DNAH12: variants seen among roughly 807,000 people sequenced by gnomAD.
The protein encoded by DNAH12 is axonemal beta dynein heavy chain 12.
A neutral mutation model predicts 371.5 loss-of-function variants in DNAH12; 285 were observed. That is an observed-to-expected ratio of 0.77 (90% CI 0.70 to 0.85). The LOEUF (loss-of-function observed/expected upper bound fraction) is 0.85, where lower values mean the gene tolerates loss of function less well. DNAH12 is among the 40% of genes least tolerant of loss of function. The pLI is 0.00. For missense variants in DNAH12, 3,611 were observed against 3,689.4 expected (o/e 0.98, Z 0.55); for synonymous variants, 1,200 against 1,213.0 (o/e 0.99, Z 0.22).
Position 57,335,110 on chromosome 3 carries a change from T to C in DNAH12, c.9675-170A>G, listed in dbSNP as rs180960558. On this transcript the variant is annotated intron_variant, in intron 60 of 73. Coordinates refer to ENST00000495027, the MANE Select transcript of DNAH12 (RefSeq NM_001366028.2). ...TGAAACAACTGTTTTTTTGAAATTG[T>C]TCAATAGCCAGTGCAGGACTGTGGC... Among the ~76,000 whole-genome samples the C allele has an allele frequency of 3.0e-3, 455 of 152,332 alleles. 1 individual carries two copies. Among genetic ancestry groups the C allele is most frequent in the Non-Finnish European group, 4.9e-3 (331 of 68,026 alleles).
intron 16 of DNAH12, among the ~76,000 whole-genome samples, chr3:57,469,963 A>G (rs1369690405): frequency 2.0e-5 from 3 of 152,192 alleles, no homozygotes; most frequent in African/African-American, 7.2e-5. Flanking sequence ...AAACCTGCAC[A>G]TGTTACCGAA....
At chr3:57,298,098 A>G (rs1230099050) in intron 70 of DNAH12, among the ~76,000 whole-genome samples, 4 of 152,086 alleles carry the variant, frequency 2.6e-5, no homozygotes, top group African/African-American at 9.7e-5. Flanking sequence ...CTGGGTGGAC[A>G]TTTGTTGTTT....
chr3:57,330,005 A>G, intron 62 of DNAH12, among the ~76,000 whole-genome samples: 1 of 151,902 alleles, frequency 6.6e-6, no homozygotes, highest in African/African-American at 2.4e-5. Context: ...AATCAAAACC[A>G]CAATGAGATA....
intron 58 of DNAH12, among the ~76,000 whole-genome samples, chr3:57,360,463 CG>C (rs1467469527): frequency 2.6e-5 from 4 of 151,932 alleles, no homozygotes; most frequent in African/African-American, 9.7e-5. Flanking sequence ...CCAAGGCAGG[CG>C]GATCACCTGA....
At chr3:57,454,519 A>T (rs2065849599) in intron 23 of DNAH12, among the ~76,000 whole-genome samples, 1 of 151,878 alleles carries the variant, frequency 6.6e-6, no homozygotes, top group Non-Finnish European at 1.5e-5. Flanking sequence ...TTTTAAGATT[A>T]TATATAGAAA....
rs1237337521 is a variant in DNAH12 at position 57,446,551 on chromosome 3, G to T, written c.3925C>A (p.Leu1309Ile). The change falls in exon 26 of 74, where the codon CTA (leucine) becomes ATA (isoleucine). Residue 1309 changes from leucine (L) to isoleucine (I), a missense_variant. By Grantham distance (5) the Leu-to-Ile change is conservative. Around this residue, in one of 3 missense-constraint regions of DNAH12, gnomAD observed 2,266 missense variants for 2,236.9 expected, o/e 1.01. Coordinates refer to ENST00000495027, the MANE Select transcript of DNAH12 (RefSeq NM_001366028.2). ...AATTTAACTACCTTTCCCATTGCTA[G>T]ATAATCTAGCCCATCAGAACAGTTG... is the stretch of plus-strand genomic sequence containing the variant. ...VFNCSDGLDY[L>I]AMGKFFKGLA... 2 of 1,529,038 alleles carry T rather than the reference G, an allele frequency of 1.3e-6. No homozygotes were observed. The allele number at this position is 1,529,038 out of a possible 1,614,324, so 94.7% of individuals were successfully genotyped here. A position where few individuals can be genotyped will look rare whatever the true frequency, so the allele number is the denominator to read the frequency against.
chr3:57,510,109 GAA>G (rs1046133746), intron 5 of DNAH12, among the ~76,000 whole-genome samples: 2 of 151,436 alleles, frequency 1.3e-5, no homozygotes, highest in Non-Finnish European at 2.9e-5. Context: ...TTTTAAAAAG[GAA>G]AAAAGTTTAT....
In DNAH12 at chr3:57,504,063, C is replaced by T; in HGVS notation, c.1039G>A (p.Glu347Lys). The change falls in exon 9 of 74, where the codon GAA becomes AAA. Residue 347 changes from glutamate (E) to lysine (K), a missense_variant. Physicochemically the swap from Glu to Lys is moderately conservative, Grantham distance 56 (BLOSUM62 1). Transcript: ENST00000495027. Reference sequence around the variant, plus strand: ...TCCACCAAACTCAAGACATTATCTTCCAAATCTTGAAAGGTAGGATAAAAT... The same window carrying T: ...TCCACCAAACTCAAGACATTATCTTTCAAATCTTGAAAGGTAGGATAAAAT... ...MEFYPTFQDL[E>K]DNVLSLVERI... 6.2e-7 allele frequency: 1 copy of T among 1,613,896 alleles called. No individual in the cohort carries two copies. Among genetic ancestry groups the T allele is most frequent in the East Asian group, 2.2e-5 (1 of 44,844 alleles).
intron 11 of DNAH12, among the ~76,000 whole-genome samples, chr3:57,492,866 G>A (rs934372543): frequency 7.2e-5 from 11 of 152,102 alleles, no homozygotes; most frequent in Admixed American, 7.2e-4. Flanking sequence ...TTGGCCAGGT[G>A]TAGTGGTAGG....
intron 10 of DNAH12, among the ~76,000 whole-genome samples, 173 bp downstream of exon 10, chr3:57,502,150 G>A (rs576940770): frequency 1.2e-3 from 176 of 152,170 alleles, no homozygotes; most frequent in African/African-American, 4.0e-3. Flanking sequence ...CTTGTGATCC[G>A]CCCGCCTCGG....
At chr3:57,431,487 T>C (rs2064954744) in intron 32 of DNAH12, among the ~76,000 whole-genome samples, 1 of 152,212 alleles carries the variant, frequency 6.6e-6, no homozygotes, top group African/African-American at 2.4e-5. Context: ...GCCCACAGCC[T>C]CCAATCCATC....
At chr3:57,311,873 A>G (rs2061590654) in intron 66 of DNAH12, among the ~76,000 whole-genome samples, 3 of 152,164 alleles carry the variant, frequency 2.0e-5, no homozygotes, top group Non-Finnish European at 4.4e-5. Context: ...TTTCCTTATT[A>G]TTGTTGTAAT....
intron 14 of DNAH12, 101 bp from the exon 15 acceptor site, chr3:57,471,707 G>A: frequency 1.0e-6 from 1 of 1,002,320 alleles, no homozygotes; most frequent in Non-Finnish European, 1.3e-6. Context: ...CATCAGAGAA[G>A]TAAAAATGAG....
At chr3:57,301,245 G>A (rs1421936866) in intron 70 of DNAH12, among the ~76,000 whole-genome samples, 1 of 113,914 alleles carries the variant, frequency 8.8e-6, no homozygotes, top group Non-Finnish European at 1.7e-5. Flanking sequence ...CAGCCTGGAT[G>A]ACAGAGCAAG....
At chr3:57,511,033 A>G (rs1031299527) in intron 4 of DNAH12, 54 bp from the exon 5 acceptor site, 4 of 1,281,378 alleles carry the variant, frequency 3.1e-6, no homozygotes, top group Non-Finnish European at 4.2e-6. Flanking sequence ...ATTTCAGTGT[A>G]ACTCCTGAAC....
intron 25 of DNAH12, 128 bp downstream of exon 25, chr3:57,452,715 A>C: frequency 1.1e-6 from 1 of 878,202 alleles, no homozygotes; most frequent in Non-Finnish European, 1.7e-6. Context: ...ATAATTTTGC[A>C]TAAAGAGAAT....
intron 2 of DNAH12, among the ~76,000 whole-genome samples, chr3:57,536,510 A>G (rs138631246): frequency 9.8e-5 from 15 of 152,322 alleles, no homozygotes; most frequent in Non-Finnish European, 2.1e-4. Context: ...TCCCTGTTCA[A>G]TCTTACTAAG....
intron 39 of DNAH12, among the ~76,000 whole-genome samples, chr3:57,409,944 G>A (rs1420460085): frequency 6.6e-6 from 1 of 152,134 alleles, no homozygotes; most frequent in Non-Finnish European, 1.5e-5. Context: ...GATATGGTAG[G>A]TAGTTCCAAG....
intron 60 of DNAH12, among the ~76,000 whole-genome samples, chr3:57,342,010 TG>T (rs1223214307): frequency 6.6e-6 from 1 of 152,140 alleles, no homozygotes; most frequent in Non-Finnish European, 1.5e-5. Flanking sequence ...GAACATTGAT[TG>T]GGGAAGGACA....
Sources: gnomAD v4.1 joint callset for allele counts (sites outside exome capture counted in the v4.1 genomes callset) on GRCh38, gnomAD v4.1.1 for gene constraint, gnomAD v4.1.1 regional missense constraint, MANE v1.5 for transcripts, NCBI Gene and HGNC (gene_info 2026-07-23, HGNC 2026-07-21) for gene names.